Variants in RIMBP2 observed in about 807,000 individuals in gnomAD.
RIMBP2 encodes the protein RIMS binding protein 2.
In RIMBP2, 48 loss-of-function variants were observed where a neutral mutation model predicts 118.6. That is an observed-to-expected ratio of 0.40 (90% CI 0.32 to 0.51). RIMBP2 has a LOEUF of 0.51. Among genes scored for constraint, RIMBP2 ranks in the 20% least tolerant of loss-of-function variants. The probability of loss-of-function intolerance (pLI) is 0.41; values close to 1 mark genes in which losing one functional copy is unlikely to be tolerated. For synonymous variants in RIMBP2, 762 were observed against 742.9 expected, an observed-to-expected ratio of 1.03 and a Z score of -0.42; for missense variants, 1,551 against 1,768.3, an observed-to-expected ratio of 0.88 and a Z score of 2.20.
chr12:130,574,069 C>T lies in RIMBP2; in HGVS notation c.-217+54253G>A, dbSNP rs778326089. Among the ~76,000 whole-genome samples the T allele has an allele frequency of 3.9e-5, 6 of 152,152 alleles. No individual in the cohort carries two copies. The South Asian group carries it at 6.2e-4, about 16-fold the overall frequency. On this transcript the variant is annotated intron_variant, in intron 2 of 22. Coordinates refer to ENST00000690449, the MANE Select transcript of RIMBP2 (RefSeq NM_001393629.1). Reference sequence around the variant, plus strand: ...ATTATCACCACGCTAAGGGATGGCACGCGGGGAGGTCAAGCTTACTTTCCC... The same window carrying T: ...ATTATCACCACGCTAAGGGATGGCATGCGGGGAGGTCAAGCTTACTTTCCC...
At chr12:130,635,545 A>G (rs1016804863) in intron 1 of RIMBP2, among the ~76,000 whole-genome samples, 1 of 152,084 alleles carries the variant, frequency 6.6e-6, no homozygotes, top group African/African-American at 2.4e-5. Flanking sequence ...CCCACCTGGG[A>G]CCCAAGCTGA....
At chr12:130,471,420 C>A (rs2080992967) in intron 5 of RIMBP2, among the ~76,000 whole-genome samples, 1 of 152,214 alleles carries the variant, frequency 6.6e-6, no homozygotes, top group Non-Finnish European at 1.5e-5. Context: ...CCGGAAGTCC[C>A]AGCATCATCA....
At chr12:130,675,318 C>G (rs2064403843) in intron 1 of RIMBP2, among the ~76,000 whole-genome samples, 1 of 152,250 alleles carries the variant, frequency 6.6e-6, no homozygotes, top group African/African-American at 2.4e-5. Context: ...TCCTGCTCCA[C>G]ACAGCGCCCC....
chr12:130,637,878 T>C (rs1417355772), intron 1 of RIMBP2, among the ~76,000 whole-genome samples: 1 of 152,222 alleles, frequency 6.6e-6, no homozygotes, highest in African/African-American at 2.4e-5. Flanking sequence ...ACTTTGGTTA[T>C]TAAGAAGATA....
At chr12:130,626,965 G>A (rs557318963) in intron 2 of RIMBP2, among the ~76,000 whole-genome samples, 47 of 150,454 alleles carry the variant, frequency 3.1e-4, no homozygotes, top group African/African-American at 6.9e-4. Context: ...CACGACTACC[G>A]CCAGCATCAC....
rs2052712457 is a variant in RIMBP2, at chr12:130,525,755, C to T, written c.-216-7838G>A. ...GATGCAGCAGCTTTGATCCCCTGGG[C>T]TTCTACGCTGGGCCAAGAACCAACA... On this transcript the variant is annotated intron_variant, in intron 2 of 22. Transcript: ENST00000690449. The surrounding 1 kb of genome is among the most constrained non-coding windows in gnomAD (Gnocchi z 4.4). Among the ~76,000 whole-genome samples, 1 of 152,178 alleles carries T rather than the reference C, an allele frequency of 6.6e-6. No homozygotes were observed.
chr12:130,530,164 T>C (rs996258496), intron 2 of RIMBP2, among the ~76,000 whole-genome samples: 5 of 152,320 alleles, frequency 3.3e-5, no homozygotes, highest in South Asian at 4.1e-4. Flanking sequence ...AGCCACTGCA[T>C]TTGGTTCTCT....
intron 1 of RIMBP2, among the ~76,000 whole-genome samples, chr12:130,676,779 G>A (rs931075721): frequency 6.6e-6 from 1 of 152,306 alleles, no homozygotes; most frequent in South Asian, 2.1e-4. Context: ...AGACCCACAG[G>A]CTTCCTGCCG....
chr12:130,528,423 G>A (rs1238331203), intron 2 of RIMBP2, among the ~76,000 whole-genome samples: 1 of 152,130 alleles, frequency 6.6e-6, no homozygotes, highest in Non-Finnish European at 1.5e-5. Flanking sequence ...ACATAGGGAG[G>A]GGAACAACAC....
chr12:130,657,026 C>T (rs1344313114), intron 1 of RIMBP2, among the ~76,000 whole-genome samples: 1 of 152,252 alleles, frequency 6.6e-6, no homozygotes, highest in Non-Finnish European at 1.5e-5. Context: ...TCCTACAGAC[C>T]TGGGACTATA....
chr12:130,495,838 T>G (rs894087930), intron 4 of RIMBP2, among the ~76,000 whole-genome samples: 1 of 152,330 alleles, frequency 6.6e-6, no homozygotes, highest in East Asian at 1.9e-4. Flanking sequence ...ACTTTAAAGA[T>G]GAGAGAACAC....
chr12:130,438,335 A>ACGGGGGCG, intron 12 of RIMBP2, 30 bp downstream of exon 12: 1 of 865,014 alleles, frequency 1.2e-6, no homozygotes, highest in Non-Finnish European at 1.9e-6. Flanking sequence ...GGCCTAACAA[A>ACGGGGGCG]CCCTCCCCAC....
intron 4 of RIMBP2, among the ~76,000 whole-genome samples, chr12:130,492,000 C>T (rs1464885579): frequency 2.0e-5 from 3 of 152,210 alleles, no homozygotes; most frequent in Non-Finnish European, 4.4e-5. Flanking sequence ...TGAATTATCT[C>T]CTCAACGTCA....
In RIMBP2 at chr12:130,450,373, C is replaced by T; in HGVS notation, c.505-97G>A. 1.1e-6 allele frequency: 1 copy of T among 889,312 alleles called. No individual in the cohort carries two copies. Among genetic ancestry groups the T allele is most frequent in the Non-Finnish European group, 1.8e-6 (1 of 546,170 alleles). 55.1% of individuals were successfully genotyped at this position (889,312 alleles called of 1,614,324 possible). On this transcript the variant is annotated intron_variant, in intron 8 of 22. Coordinates refer to ENST00000690449, the MANE Select transcript of RIMBP2 (RefSeq NM_001393629.1). The surrounding 1 kb of genome is among the most constrained non-coding windows in gnomAD (Gnocchi z 4.8). ...GAAAGCCCCTCGCAGCTTCCTGGGC[C>T]CCAGGAGGGACGGCCTGAGACTGTG...
intron 10 of RIMBP2, among the ~76,000 whole-genome samples, chr12:130,443,879 C>T (rs57213019): frequency 0.014 from 2,145 of 152,168 alleles, 48 homozygotes; most frequent in African/African-American, 0.048. Flanking sequence ...AAGCTCTATC[C>T]GAAGACCGTC....
At chr12:130,633,155 C>T (rs553593889) in intron 1 of RIMBP2, among the ~76,000 whole-genome samples, 2 of 152,240 alleles carry the variant, frequency 1.3e-5, no homozygotes, top group Non-Finnish European at 2.9e-5. Flanking sequence ...TTTCAACTAA[C>T]AGCGGACCTA....
In RIMBP2 at chr12:130,424,926, G is replaced by T; in HGVS notation, c.2413-68C>A. 1.0e-6 allele frequency: 1 copy of T among 967,276 alleles called. No individual in the cohort carries two copies. The highest frequency in any genetic ancestry group is 5.4e-5 in the South Asian group (1 of 18,592). The allele number at this position is 967,276 out of a possible 1,614,324, so 59.9% of individuals were successfully genotyped here. A position where few individuals can be genotyped will look rare whatever the true frequency, so the allele number is the denominator to read the frequency against. On this transcript the variant is annotated intron_variant, in intron 15 of 22. Coordinates refer to ENST00000690449, the MANE Select transcript of RIMBP2 (RefSeq NM_001393629.1). The surrounding 1 kb of genome is among the most constrained non-coding windows in gnomAD (Gnocchi z 9.8). ...GTGGTCAGCATGAAGTGGGGGCCAG[G>T]GGAGGAAAGAAAATACAGACAGAAT...
rs1566439284 is a variant in RIMBP2 at position 130,664,447 on chromosome 12, G to GTGCACGCA, written c.-351-35992_-351-35991insTGCGTGCA. Among the ~76,000 whole-genome samples, 1,142 of 122,450 alleles carry GTGCACGCA rather than the reference G, an allele frequency of 9.3e-3. 48 individuals are homozygous for GTGCACGCA. Among genetic ancestry groups the GTGCACGCA allele is most frequent in the African/African-American group, 0.031 (1,054 of 33,688 alleles). 80.3% of individuals were successfully genotyped at this position (122,450 alleles called of 152,430 possible). A position where few individuals can be genotyped will look rare whatever the true frequency, so the allele number is the denominator to read the frequency against. ...CACACACATGCATGCACGCACACAC[G>GTGCACGCA]CACACACATGCACGCACACACACGC... On this transcript the variant is annotated intron_variant, in intron 1 of 22. Coordinates refer to ENST00000690449, the MANE Select transcript of RIMBP2 (RefSeq NM_001393629.1).
chr12:130,501,489 C>T (rs1193072653), intron 4 of RIMBP2, among the ~76,000 whole-genome samples: 1 of 152,250 alleles, frequency 6.6e-6, no homozygotes, highest in African/African-American at 2.4e-5. Context: ...CAGGTAGAAG[C>T]ACCTTCCCAT....
Sources: allele counts gnomAD v4.1 joint callset (sites outside exome capture counted in the v4.1 genomes callset), GRCh38; gene constraint gnomAD v4.1.1; non-coding constraint Gnocchi (gnomAD v3.1); transcripts MANE v1.5; gene names NCBI Gene and HGNC (gene_info 2026-07-23, HGNC 2026-07-21).